The following HCRTR2 variants were observed in gnomAD, a reference collection of about 807,000 sequenced individuals.
The protein encoded by HCRTR2 is orexin receptor type 2.
A neutral mutation model predicts 49.0 loss-of-function variants in HCRTR2; 22 were observed. The observed-to-expected ratio is 0.45, with a 90% confidence interval of 0.32 to 0.64. The LOEUF is 0.64. Ranked by LOEUF, HCRTR2 falls within the 30% of genes least tolerant of loss-of-function variation. HCRTR2 has a pLI of 0.04. For synonymous variants in HCRTR2, 236 were observed against 205.3 expected (o/e 1.15, Z -1.28); for missense variants, 491 against 559.4 (o/e 0.88, Z 1.23).
At chr6:55,115,500 G>A (rs1157779430) in intron 1 of HCRTR2, among the ~76,000 whole-genome samples, 3 of 151,194 alleles carry the variant, frequency 2.0e-5, no homozygotes, top group African/African-American at 7.3e-5. Flanking sequence ...GTGTGTGTGT[G>A]TGTGTGTGTG....
At chr6:55,148,905 AATG>A (rs1764628643) in intron 1 of HCRTR2, among the ~76,000 whole-genome samples, 1 of 152,124 alleles carries the variant, frequency 6.6e-6, no homozygotes, top group Non-Finnish European at 1.5e-5. Flanking sequence ...AGAGAACTTG[AATG>A]ATAAGAAAAT....
intron 4 of HCRTR2, among the ~76,000 whole-genome samples, chr6:55,268,740 C>G: frequency 6.6e-6 from 1 of 152,036 alleles, no homozygotes; most frequent in East Asian, 1.9e-4. Context: ...ATTAAGGAGA[C>G]AAGTAGGCAG....
intron 1 of HCRTR2, among the ~76,000 whole-genome samples, chr6:55,162,869 T>C (rs111823706): frequency 1.3e-5 from 2 of 152,108 alleles, no homozygotes; most frequent in African/African-American, 4.8e-5. Context: ...GAAGAATCAA[T>C]ATCATGACAA....
intron 1 of HCRTR2, among the ~76,000 whole-genome samples, chr6:55,193,649 T>G (rs79847345): frequency 0.012 from 1,865 of 152,178 alleles, 38 homozygotes; most frequent in African/African-American, 0.043. Flanking sequence ...CCCATTTTTC[T>G]GTTTTACCTA....
At chr6:55,284,512 T>G (rs903173853), downstream of HCRTR2, among the ~76,000 whole-genome samples, 3 of 152,160 alleles carry the variant, frequency 2.0e-5, no homozygotes, top group African/African-American at 7.2e-5. Context: ...CTTTAAGTGA[T>G]ACCATCTGAC....
At chr6:55,184,308 A>G (rs1189402061) in intron 1 of HCRTR2, among the ~76,000 whole-genome samples, 1 of 152,140 alleles carries the variant, frequency 6.6e-6, no homozygotes, top group Non-Finnish European at 1.5e-5. Flanking sequence ...AGGTCTATTA[A>G]TATTTTCCAA....
chr6:55,191,104 A>C (rs1765308013), intron 1 of HCRTR2, among the ~76,000 whole-genome samples: 2 of 152,230 alleles, frequency 1.3e-5, no homozygotes, highest in East Asian at 1.9e-4. Context: ...AATTAGGGGC[A>C]ATGAAGGAAG....
intron 1 of HCRTR2, among the ~76,000 whole-genome samples, chr6:55,175,110 G>T (rs1024303190): frequency 6.6e-6 from 1 of 152,022 alleles, no homozygotes; most frequent in Non-Finnish European, 1.5e-5. Flanking sequence ...TCTCCAGGTG[G>T]ATTTTGTTGA....
chr6:55,247,134 T>TTGTGTGTGTGTGAATATGTG (rs1313988778), intron 1 of HCRTR2, among the ~76,000 whole-genome samples: 1 of 151,778 alleles, frequency 6.6e-6, no homozygotes, highest in African/African-American at 2.4e-5. Context: ...TAGGGTGGGT[T>TTGTGTGTGTGTGAATATGTG]TGTGTGTGTG....
intron 6 of HCRTR2, among the ~76,000 whole-genome samples, chr6:55,281,220 G>A (rs1406568573): frequency 6.6e-6 from 1 of 152,000 alleles, no homozygotes; most frequent in Non-Finnish European, 1.5e-5. Flanking sequence ...TAAAGCTTCT[G>A]CATCTTCCAA....
chr6:55,151,394 C>T (rs1764662887), intron 1 of HCRTR2, among the ~76,000 whole-genome samples: 1 of 152,020 alleles, frequency 6.6e-6, no homozygotes, highest in East Asian at 1.9e-4. Context: ...ACGGTGTTCA[C>T]AGCATCTTTA....
intron 3 of HCRTR2, among the ~76,000 whole-genome samples, chr6:55,260,315 A>G (rs1170829624): frequency 6.6e-6 from 1 of 152,176 alleles, no homozygotes; most frequent in Non-Finnish European, 1.5e-5. Context: ...CAAAACAAAT[A>G]AAAGTTCAAA....
intron 1 of HCRTR2, among the ~76,000 whole-genome samples, chr6:55,154,010 A>T (rs770890871): frequency 6.6e-6 from 1 of 151,812 alleles, no homozygotes; most frequent in Non-Finnish European, 1.5e-5. Flanking sequence ...ATACACCAAT[A>T]AATTGGACAA....
chr6:55,174,779 G>C lies in HCRTR2; in HGVS notation c.192G>C (p.Val64=). ...TCCTGATCGCCGGGTACATCATCGT[G>C]TTCGTCGTGGCTCTCATTGGGAACG... is the stretch of plus-strand genomic sequence containing the variant. The part of the protein sequence containing the change: ...EWVLIAGYII[V]FVVALIGNVL... The change falls in exon 1 of 7, where the codon GTG becomes GTC. Residue 64 remains valine (V), a synonymous_variant. Coordinates refer to ENST00000370862, the MANE Select transcript of HCRTR2 (RefSeq NM_001384272.1). The C allele has an allele frequency of 6.2e-7, 1 of 1,614,028 alleles. No individual in the cohort carries two copies. The highest frequency in any genetic ancestry group is 8.5e-7 in the Non-Finnish European group (1 of 1,179,994).
At chr6:55,181,025 C>A (rs932155195) in intron 1 of HCRTR2, among the ~76,000 whole-genome samples, 1 of 148,888 alleles carries the variant, frequency 6.7e-6, no homozygotes, top group African/African-American at 2.5e-5. Flanking sequence ...CTAGGCTGGT[C>A]TTGAACTCTT....
intron 1 of HCRTR2, among the ~76,000 whole-genome samples, chr6:55,175,391 C>T (rs1293486832): frequency 1.3e-5 from 2 of 152,044 alleles, no homozygotes; most frequent in African/African-American, 4.8e-5. Flanking sequence ...TGCACTCACT[C>T]ATAGAAGCTG....
intron 1 of HCRTR2, among the ~76,000 whole-genome samples, chr6:55,167,581 A>G (rs1216845135): frequency 6.6e-6 from 1 of 152,190 alleles, no homozygotes; most frequent in Non-Finnish European, 1.5e-5. Context: ...AGCACACAGA[A>G]GTATTTCAAT....
At chr6:55,119,473 T>A (rs1296185948) in intron 1 of HCRTR2, among the ~76,000 whole-genome samples, 1 of 152,160 alleles carries the variant, frequency 6.6e-6, no homozygotes, top group Non-Finnish European at 1.5e-5. Flanking sequence ...TGATTGCCAT[T>A]CTAACTGGCA....
At chr6:55,191,160 G>A (rs1217900392) in intron 1 of HCRTR2, among the ~76,000 whole-genome samples, 2 of 152,154 alleles carry the variant, frequency 1.3e-5, no homozygotes, top group African/African-American at 2.4e-5. Flanking sequence ...TAACAACTTT[G>A]AAATTATATT....
Sources: gnomAD v4.1 joint callset for allele counts (sites outside exome capture counted in the v4.1 genomes callset) on GRCh38, gnomAD v4.1.1 for gene constraint, MANE v1.5 for transcripts, NCBI Gene and HGNC (gene_info 2026-07-23, HGNC 2026-07-21) for gene names.